INPP4B: variants seen among roughly 807,000 people sequenced by gnomAD.
INPP4B encodes inositol polyphosphate 4-phosphatase type II.
INPP4B carries 55 observed loss-of-function variants against 122.5 expected under a neutral mutation model. The ratio of observed to expected loss-of-function variants is 0.45; its 90% CI spans 0.36 to 0.56. The LOEUF (loss-of-function observed/expected upper bound fraction) is 0.56, where lower values mean the gene tolerates loss of function less well. INPP4B is among the 20% of genes least tolerant of loss of function. The pLI is 0.00. For synonymous variants in INPP4B, 403 were observed against 388.7 expected, an observed-to-expected ratio of 1.04 and a Z score of -0.43; for missense variants, 1,000 against 1,097.7, an observed-to-expected ratio of 0.91 and a Z score of 1.26.
In INPP4B at chr4:142,209,038, G is replaced by A; in HGVS notation, c.837-12C>T. 2 of 1,578,132 alleles carry A rather than the reference G, an allele frequency of 1.3e-6. No homozygotes were observed. The highest frequency in any genetic ancestry group is 1.7e-6 in the Non-Finnish European group (2 of 1,158,426). On this transcript the variant is annotated splice_polypyrimidine_tract_variant and intron_variant, in intron 12 of 25. Transcript: ENST00000262992. Reference sequence around the variant, plus strand: ...TTATCTCCTGGTTTCTGTTAAGAGTGGAAGAGAAGAGAAACTTTATTTTTA... The same window carrying A: ...TTATCTCCTGGTTTCTGTTAAGAGTAGAAGAGAAGAGAAACTTTATTTTTA...
intron 17 of INPP4B, among the ~76,000 whole-genome samples, chr4:142,147,735 C>T (rs1440918283): frequency 2.0e-5 from 3 of 152,128 alleles, no homozygotes; most frequent in East Asian, 1.9e-4. Context: ...TAACCACAAG[C>T]GATTATAACA....
chr4:142,130,883 A>G (rs1800916061), intron 18 of INPP4B, among the ~76,000 whole-genome samples: 2 of 152,216 alleles, frequency 1.3e-5, no homozygotes, highest in Non-Finnish European at 2.9e-5. Flanking sequence ...CTGAGAACAC[A>G]GTGTCATAAA....
chr4:142,747,083 G>A (rs1768874925), intron 1 of INPP4B, among the ~76,000 whole-genome samples: 1 of 152,048 alleles, frequency 6.6e-6, no homozygotes. Flanking sequence ...GAGTGAACAG[G>A]CAACCTAGAG....
At chr4:142,788,955 A>G (rs1315855130) in intron 1 of INPP4B, among the ~76,000 whole-genome samples, 1 of 152,180 alleles carries the variant, frequency 6.6e-6, no homozygotes, top group Non-Finnish European at 1.5e-5. Context: ...AAGTTGATAC[A>G]TCAAATAAAC....
intron 1 of INPP4B, among the ~76,000 whole-genome samples, chr4:142,821,273 T>G (rs1173440903): frequency 6.6e-6 from 1 of 152,128 alleles, no homozygotes. Flanking sequence ...GATTTATTTA[T>G]TTGATTTATA....
intron 22 of INPP4B, among the ~76,000 whole-genome samples, chr4:142,111,495 C>T (rs1489087210): frequency 4.6e-5 from 7 of 151,830 alleles, no homozygotes; most frequent in South Asian, 2.1e-4. Context: ...TACAGGCACC[C>T]GCCACTATGC....
In INPP4B at chr4:142,280,273, C is replaced by G. The variant is rs1027556251; in HGVS notation, c.504-9499G>C. ...ATTCAGCAGCTTCATTCATAATAGC[C>G]AAAAAACTGGAAACAATAGAAATAT... On this transcript the variant is annotated intron_variant, in intron 9 of 25. Coordinates refer to ENST00000262992, the MANE Select transcript of INPP4B (RefSeq NM_001101669.3). Among the ~76,000 whole-genome samples the G allele has an allele frequency of 3.3e-5, 5 of 151,744 alleles. No homozygotes were observed. In the South Asian group the frequency reaches 1.0e-3, roughly 32 times the overall value.
At chr4:142,282,222 C>T (rs909298612) in intron 9 of INPP4B, among the ~76,000 whole-genome samples, 3 of 152,044 alleles carry the variant, frequency 2.0e-5, no homozygotes, top group Non-Finnish European at 4.4e-5. Flanking sequence ...ATGAGTCATA[C>T]ATCCTTCTTG....
intron 1 of INPP4B, among the ~76,000 whole-genome samples, chr4:142,739,007 T>A (rs2589994): frequency 0.34 from 51,070 of 151,930 alleles, 8,773 homozygotes; most frequent in South Asian, 0.43. Context: ...AAGATGACTT[T>A]GTAGTAATAC....
chr4:142,616,205 A>G (rs552545144), intron 2 of INPP4B, among the ~76,000 whole-genome samples: 4 of 152,212 alleles, frequency 2.6e-5, no homozygotes, highest in African/African-American at 4.8e-5. Flanking sequence ...TGAAATGTCT[A>G]TCTCAGTGTG....
chr4:142,532,815 G>A (rs1827777520), intron 2 of INPP4B, among the ~76,000 whole-genome samples: 1 of 152,148 alleles, frequency 6.6e-6, no homozygotes, highest in Non-Finnish European at 1.5e-5. Context: ...ATGGATACTT[G>A]TAAAAAGACA....
At chr4:142,236,502 T>G (rs1439267703) in intron 12 of INPP4B, among the ~76,000 whole-genome samples, 1 of 152,198 alleles carries the variant, frequency 6.6e-6, no homozygotes, top group Non-Finnish European at 1.5e-5. Flanking sequence ...ATGTCATAGC[T>G]TCTCTTTGCC....
Position 142,173,689 on chromosome 4 carries a change from A to C in INPP4B, c.1302T>G (p.Ser434=). The C allele has an allele frequency of 3.1e-6, 5 of 1,613,280 alleles. No individual in the cohort carries two copies. The highest frequency in any genetic ancestry group is 3.4e-6 in the Non-Finnish European group (4 of 1,179,452). Residue 434 remains serine (S), a synonymous_variant, in exon 16 of 26, where the codon TCT becomes TCG. Coordinates refer to ENST00000262992, the MANE Select transcript of INPP4B (RefSeq NM_001101669.3). ...AGCTGTCTGGAGAATGCTGGCTTGC[A>C]GAATTAAGCAGTAGGTCTGCATGGG... is the stretch of plus-strand genomic sequence containing the variant. ...IATHADLLLN[S]ASQHSPDSLK...
chr4:142,349,936 G>T (rs988231035), intron 7 of INPP4B, among the ~76,000 whole-genome samples: 1 of 149,832 alleles, frequency 6.7e-6, no homozygotes, highest in African/African-American at 2.4e-5. Context: ...TCAAACCACT[G>T]AATATCTGTT....
chr4:142,313,983 T>C (rs945443375), intron 8 of INPP4B, among the ~76,000 whole-genome samples: 4 of 152,276 alleles, frequency 2.6e-5, no homozygotes, highest in Admixed American at 1.3e-4. Flanking sequence ...GGAAGAAGGT[T>C]GTCAAGTACC....
At position 142,793,424 on chromosome 4, in the gene INPP4B, T is replaced by C. The variant is rs115997702; in HGVS notation, c.-254+52785A>G. ...AGCAGAACTATGAGCAGGATGCATA[T>C]TCCAAAGCAACGATCAGTGGAACAA... is the stretch of plus-strand genomic sequence containing the variant. On this transcript the variant is annotated intron_variant, in intron 1 of 25. Coordinates refer to ENST00000262992, the MANE Select transcript of INPP4B (RefSeq NM_001101669.3). 2.3e-3 allele frequency among the ~76,000 whole-genome samples: 348 copies of C among 152,182 alleles called. 1 individual carries two copies. The highest frequency in any genetic ancestry group is 7.9e-3 in the African/African-American group (330 of 41,554).
intron 2 of INPP4B, among the ~76,000 whole-genome samples, chr4:142,660,590 C>T (rs923900860): frequency 6.6e-6 from 1 of 152,024 alleles, no homozygotes; most frequent in African/African-American, 2.4e-5. Context: ...AGGACTGGGC[C>T]CAGGGGAAGG....
At chr4:142,317,016 T>C (rs1295972051) in intron 7 of INPP4B, among the ~76,000 whole-genome samples, 2 of 152,190 alleles carry the variant, frequency 1.3e-5, no homozygotes, top group Non-Finnish European at 2.9e-5. Context: ...AATAGAAATA[T>C]GGGCATTTTC....
At chr4:142,571,286 C>T (rs765104989) in intron 2 of INPP4B, among the ~76,000 whole-genome samples, 3 of 151,810 alleles carry the variant, frequency 2.0e-5, no homozygotes, top group African/African-American at 7.3e-5. Flanking sequence ...TTATCCTGAG[C>T]AATTTAAAAA....
Sources: allele counts gnomAD v4.1 joint callset (sites outside exome capture counted in the v4.1 genomes callset), GRCh38; gene constraint gnomAD v4.1.1; transcripts MANE v1.5; gene names NCBI Gene and HGNC (gene_info 2026-07-23, HGNC 2026-07-21).